The following TRPM2 variants were observed in gnomAD, a reference collection of about 807,000 sequenced individuals.
The protein encoded by TRPM2 is transient receptor potential cation channel subfamily M member 2, also known as estrogen-responsive element-associated gene 1 protein.
A neutral mutation model predicts 174.0 loss-of-function variants in TRPM2; 161 were observed. That is an observed-to-expected ratio of 0.93 (90% CI 0.81 to 1.05). The LOEUF (loss-of-function observed/expected upper bound fraction) is 1.05, where lower values mean the gene tolerates loss of function less well. Among genes scored for constraint, TRPM2 ranks in the 50% least tolerant of loss-of-function variants. The probability of loss-of-function intolerance (pLI) is 0.00; values close to 1 mark genes in which losing one functional copy is unlikely to be tolerated. For synonymous variants in TRPM2, 954 were observed against 861.3 expected, an observed-to-expected ratio of 1.11 and a Z score of -1.88; for missense variants, 2,057 against 2,038.0, an observed-to-expected ratio of 1.01 and a Z score of -0.18.
Position 44,439,195 on chromosome 21 carries a change from C to A in TRPM2, c.4269+27C>A. ...TATTCCTGGCCTGTTTGCTCTGTTC[C>A]ACCTGTGTGTCCCCAGGGCTGCAGG... is the stretch of plus-strand genomic sequence containing the variant. On this transcript the variant is annotated intron_variant, in intron 30 of 31. Transcript: ENST00000397928. The surrounding 1 kb of genome is among the most constrained non-coding windows in gnomAD (Gnocchi z 5.1). 2 of 1,595,054 alleles carry A rather than the reference C, an allele frequency of 1.3e-6. No homozygotes were observed. The highest frequency in any genetic ancestry group is 1.1e-5 in the South Asian group (1 of 90,588).
At chr21:44,353,886 C>T in intron 1 of TRPM2, 21 bp downstream of exon 1, 3 of 1,591,960 alleles carry the variant, frequency 1.9e-6, no homozygotes, top group Non-Finnish European at 2.6e-6. Flanking sequence ...TGCTGGTCAG[C>T]CTGCAGTTGG....
intron 19 of TRPM2, among the ~76,000 whole-genome samples, 181 bp downstream of exon 19, chr21:44,406,946 G>A (rs1345012597): frequency 1.3e-5 from 2 of 150,300 alleles, no homozygotes; most frequent in Admixed American, 1.3e-4. Context: ...AGTAGAAGGG[G>A]CCCCACCAGG....
chr21:44,391,571 C>CCGGCACAACGACCGGCTG lies in TRPM2; in HGVS notation c.1745_1762dup (p.His582_Arg587dup), dbSNP rs1386180283. On this transcript the variant is annotated inframe_insertion, in exon 11 of 32. Transcript: ENST00000397928. The surrounding 1 kb of genome is among the most constrained non-coding windows in gnomAD (Gnocchi z 5.0). ...TCACGCAGCCGCTTTATCCCCGGCC[C>CCGGCACAACGACCGGCTG]CGGCACAACGACCGGCTGCGGCTCC... 1 of 1,593,154 alleles carries CCGGCACAACGACCGGCTG rather than the reference C, an allele frequency of 6.3e-7. No homozygotes were observed. The highest frequency in any genetic ancestry group is 1.3e-5 in the African/African-American group (1 of 74,708).
Position 44,441,773 on chromosome 21 carries a change from A to G in TRPM2, c.4468A>G (p.Thr1490Ala), listed in dbSNP as rs760446503. 5.6e-6 allele frequency: 9 copies of G among 1,610,244 alleles called. No homozygotes were observed. Among genetic ancestry groups the G allele is most frequent in the African/African-American group, 1.3e-5 (1 of 74,746 alleles). The change falls in exon 32 of 32, where the codon ACC (threonine) becomes GCC (alanine). Residue 1490 changes from threonine to alanine, a missense_variant. Coordinates refer to ENST00000397928, the MANE Select transcript of TRPM2 (RefSeq NM_003307.4). ...CATCCCACTCTATGCGAACCACAAG[A>G]CCCTCCTCCAGAAGGCAGCCGCTGA... ...RRIPLYANHK[T>A]LLQKAAAEFG...
chr21:44,406,548 C>A (rs374294464), intron 18 of TRPM2, 46 bp from the exon 19 acceptor site: 2 of 1,566,632 alleles, frequency 1.3e-6, no homozygotes, highest in Non-Finnish European at 1.7e-6. Context: ...GCCCAGTGAG[C>A]ATCGGGGGCC....
chr21:44,369,188 A>G lies in TRPM2; in HGVS notation c.616A>G (p.Ile206Val). 1 of 1,608,796 alleles carries G rather than the reference A, an allele frequency of 6.2e-7. No homozygotes were observed. Among genetic ancestry groups the G allele is most frequent in the Non-Finnish European group, 8.5e-7 (1 of 1,177,370 alleles). The change falls in exon 5 of 32, where the codon ATC becomes GTC. Residue 206 changes from isoleucine (I) to valine (V), a missense_variant. Ile to Val is a conservative substitution (Grantham distance 29). Transcript: ENST00000397928. The part of the protein sequence containing the change: ...KVAQTTGAWI[I>V]TGGSHTGVMK... ...TGCTCCTTCCCCAGGGGCCTGGATCATCACAGGGGGGTCCCACACCGGCGT... is the reference window on the plus strand; with the variant it reads ...TGCTCCTTCCCCAGGGGCCTGGATCGTCACAGGGGGGTCCCACACCGGCGT...
In TRPM2 at chr21:44,427,080, G is replaced by A. The variant is rs763895742; in HGVS notation, c.3943G>A (p.Gly1315Arg). ...CCTGAGGGACCGCCGGAGCTTCCAC[G>A]GGCCGTACACAGTGCAGGCCGGGTT... ...DGLRDRRSFH[G>R]PYTVQAGLPL... The change falls in exon 27 of 32, where the codon GGG becomes AGG. Residue 1315 changes from glycine to arginine, a missense_variant. Transcript: ENST00000397928. 49 of 1,604,828 alleles carry A rather than the reference G, an allele frequency of 3.1e-5. No individual in the cohort carries two copies. In the East Asian group the frequency reaches 4.0e-4, roughly 13 times the overall value.
Position 44,439,258 on chromosome 21 carries a change from C to T in TRPM2, c.4269+90C>T. On this transcript the variant is annotated intron_variant, in intron 30 of 31. Coordinates refer to ENST00000397928, the MANE Select transcript of TRPM2 (RefSeq NM_003307.4). This position sits in a 1 kb window ranked among gnomAD's most constrained non-coding sequence, Gnocchi z 5.1. ...TGATACTGGGGACCTGCCCCAGCAC[C>T]ACTGGGTGGCAGCGGTCCCACCCAG... 4.1e-6 allele frequency: 5 copies of T among 1,225,044 alleles called. No individual in the cohort carries two copies. The highest frequency in any genetic ancestry group is 5.9e-6 in the Non-Finnish European group (5 of 850,134). 75.9% of individuals were successfully genotyped at this position (1,225,044 alleles called of 1,614,324 possible). A position where few individuals can be genotyped will look rare whatever the true frequency, so the allele number is the denominator to read the frequency against.
rs576478205 is a variant in TRPM2, at chr21:44,384,379, G to A, written c.1318+1559G>A. ...GGTCAGCATCTGGCAAAATTGAGGG[G>A]CCAGCATCTGGCAAGGGCCTGCCTC... is the stretch of plus-strand genomic sequence containing the variant. On this transcript the variant is annotated intron_variant, in intron 9 of 31. Transcript: ENST00000397928. Among the ~76,000 whole-genome samples the A allele has an allele frequency of 3.3e-5, 5 of 152,270 alleles. No homozygotes were observed. In the South Asian group the frequency reaches 6.2e-4, roughly 19 times the overall value.
At chr21:44,406,792 G>T in intron 19 of TRPM2, 27 bp downstream of exon 19, 1 of 1,579,752 alleles carries the variant, frequency 6.3e-7, no homozygotes, top group Non-Finnish European at 8.6e-7. Context: ...ATGGGAGCTC[G>T]GGTGGTGCTG....
intron 8 of TRPM2, among the ~76,000 whole-genome samples, chr21:44,379,647 C>T (rs541428559): frequency 1.2e-4 from 18 of 152,298 alleles, no homozygotes; most frequent in African/African-American, 4.3e-4. Flanking sequence ...GGGGCCATTG[C>T]CCCAGTCCAG....
At chr21:44,388,757 G>C (rs901854803) in intron 9 of TRPM2, among the ~76,000 whole-genome samples, 1 of 151,862 alleles carries the variant, frequency 6.6e-6, no homozygotes, top group Non-Finnish European at 1.5e-5. Context: ...GGACGTTGAG[G>C]CTGCAATAAG....
In TRPM2 at chr21:44,353,732, C is replaced by T. The variant is rs201550964; in HGVS notation, c.32C>T (p.Ser11Leu). 3.8e-6 allele frequency: 6 copies of T among 1,568,146 alleles called. No homozygotes were observed. The highest frequency in any genetic ancestry group is 2.0e-5 in the Admixed American group (1 of 50,152). The change falls in exon 1 of 32, where the codon TCG becomes TTG. Residue 11 changes from serine to leucine, a missense_variant. Coordinates refer to ENST00000397928, the MANE Select transcript of TRPM2 (RefSeq NM_003307.4). ...CCCTCAGCCCTGAGGAAAGCTGGCT[C>T]GGAGCAGGAGGAGGGCTTTGAGGGG... MEPSALRKAG[S>L]EQEEGFEGLP...
chr21:44,387,554 T>C (rs966854984), intron 9 of TRPM2, among the ~76,000 whole-genome samples: 23 of 152,196 alleles, frequency 1.5e-4, no homozygotes, highest in Non-Finnish European at 4.4e-5. Context: ...AATTGGACTT[T>C]ATGAAAATTA....
At position 44,379,075 on chromosome 21, in the gene TRPM2, C is replaced by G. The variant is rs776575078; in HGVS notation, c.1093C>G (p.Gln365Glu). The G allele has an allele frequency of 6.2e-7, 1 of 1,612,856 alleles. No individual in the cohort carries two copies. The highest frequency in any genetic ancestry group is 8.5e-7 in the Non-Finnish European group (1 of 1,180,046). The change falls in exon 8 of 32, where the codon CAG becomes GAG. Residue 365 changes from glutamine to glutamate, a missense_variant. Physicochemically the swap from Gln to Glu is conservative, Grantham distance 29. Coordinates refer to ENST00000397928, the MANE Select transcript of TRPM2 (RefSeq NM_003307.4). ...GGGCCGCGTGGCCGACGTCATTGCC[C>G]AGGTGGCCAACCTGCCTGTCTCGGA... is the stretch of plus-strand genomic sequence containing the variant. The part of the protein sequence containing the change: ...GSGRVADVIA[Q>E]VANLPVSDIT...
intron 5 of TRPM2, among the ~76,000 whole-genome samples, chr21:44,369,948 C>A (rs2048481327): frequency 1.0e-5 from 1 of 99,368 alleles, no homozygotes; most frequent in African/African-American, 4.5e-5. Flanking sequence ...CTGCGGGGAG[C>A]AGGTGGAGTG....
At chr21:44,422,398 G>A in intron 22 of TRPM2, 1 of 1,536,154 alleles carries the variant, frequency 6.5e-7, no homozygotes. Context: ...TGTTTGCAAG[G>A]CTGTCTGGGA....
At chr21:44,389,374 T>C (rs751465371) in intron 9 of TRPM2, among the ~76,000 whole-genome samples, 1 of 152,212 alleles carries the variant, frequency 6.6e-6, no homozygotes, top group African/African-American at 2.4e-5. Context: ...CTATTATGAA[T>C]AAAGCTGCTA....
chr21:44,413,588 G>C (rs1187807363), intron 19 of TRPM2, among the ~76,000 whole-genome samples: 1 of 152,198 alleles, frequency 6.6e-6, no homozygotes, highest in Non-Finnish European at 1.5e-5. Flanking sequence ...CCAGGCTTGG[G>C]ACCTGGTGCT....
Sources: gnomAD v4.1 joint callset for allele counts (sites outside exome capture counted in the v4.1 genomes callset) on GRCh38, gnomAD v4.1.1 for gene constraint, Gnocchi (gnomAD v3.1) non-coding constraint, MANE v1.5 for transcripts, NCBI Gene and HGNC (gene_info 2026-07-23, HGNC 2026-07-21) for gene names.